LRRK2: variants seen among roughly 807,000 people sequenced by gnomAD.
LRRK2 encodes the protein leucine rich repeat kinase 2, also known as leucine-rich repeat serine/threonine-protein kinase 2.
A neutral mutation model predicts 302.6 loss-of-function variants in LRRK2; 203 were observed. That is an observed-to-expected ratio of 0.67 (90% confidence interval 0.60 to 0.75). The LOEUF (loss-of-function observed/expected upper bound fraction) is 0.75, where lower values mean the gene tolerates loss of function less well. LRRK2 is among the 30% of genes least tolerant of loss of function. The pLI, the probability that LRRK2 is intolerant of heterozygous loss-of-function variation, is 0.00. For synonymous variants in LRRK2, 1,066 were observed against 1,031.9 expected, an observed-to-expected ratio of 1.03 and a Z score of -0.63; for missense variants, 2,830 against 2,951.0, an observed-to-expected ratio of 0.96 and a Z score of 0.95.
At chr12:40,235,518 T>G in intron 3 of LRRK2, 108 bp from the exon 4 acceptor site, 1 of 733,966 alleles carries the variant, frequency 1.4e-6, no homozygotes, top group Non-Finnish European at 2.4e-6. Context: ...CTACAGGGAA[T>G]TAAATACAAT....
intron 18 of LRRK2, among the ~76,000 whole-genome samples, chr12:40,282,492 A>G (rs886105842): frequency 1.3e-5 from 2 of 152,146 alleles, no homozygotes; most frequent in Non-Finnish European, 2.9e-5. Flanking sequence ...GAAAGTTTGA[A>G]GCCAATTCTT....
In LRRK2 at chr12:40,284,010, A is replaced by C. The variant is rs1172871166; in HGVS notation, c.2377A>C (p.Arg793=). 6.2e-7 allele frequency: 1 copy of C among 1,613,850 alleles called. No individual in the cohort carries two copies. Among genetic ancestry groups the C allele is most frequent in the African/African-American group, 1.3e-5 (1 of 74,910 alleles). ...CCAGATCATCAGCTTGCTCTTAAGGAGGCTGGCCCTGGATGTGGCCAACAA... is the reference window on the plus strand; with the variant it reads ...CCAGATCATCAGCTTGCTCTTAAGGCGGCTGGCCCTGGATGTGGCCAACAA... ...DSQIISLLLR[R]LALDVANNSI... is the part of the protein sequence containing the mutation. The change falls in exon 19 of 51, where the codon AGG becomes CGG. Residue 793 remains arginine (R), a synonymous_variant. Transcript: ENST00000298910.
At chr12:40,351,817 C>A in intron 44 of LRRK2, 84 bp downstream of exon 44, 1 of 1,294,686 alleles carries the variant, frequency 7.7e-7, no homozygotes, top group South Asian at 1.3e-5. Flanking sequence ...TAAATAAGAG[C>A]CAATGTAGGA....
chr12:40,284,213 T>C (rs1943823301), intron 19 of LRRK2, 80 bp downstream of exon 19: 1 of 1,326,756 alleles, frequency 7.5e-7, no homozygotes, highest in Admixed American at 2.1e-5. Context: ...TAGTGGTTAT[T>C]CATGCCAGTT....
In LRRK2 at chr12:40,320,046, G is replaced by C; in HGVS notation, c.4886G>C (p.Arg1629Thr). The change falls in exon 34 of 51, where the codon AGA becomes ACA. Residue 1629 changes from arginine (R) to threonine (T), a missense_variant. By Grantham distance (71) the Arg-to-Thr change is moderately conservative (BLOSUM62 -1). Around this residue, in one of 3 missense-constraint regions of LRRK2, gnomAD observed 2,121 missense variants for 2,148.0 expected, o/e 0.99. Coordinates refer to ENST00000298910, the MANE Select transcript of LRRK2 (RefSeq NM_198578.4). ...CACCCTAAGGGCATTATTTCGCGTA[G>C]AGATGTGGAAAAATTTCTTTCAAAA... ...PKHPKGIISR[R>T]DVEKFLSKKR... The C allele has an allele frequency of 1.9e-6, 3 of 1,611,894 alleles. No individual in the cohort carries two copies. Among genetic ancestry groups the C allele is most frequent in the Non-Finnish European group, 2.5e-6 (3 of 1,178,688 alleles).
intron 14 of LRRK2, among the ~76,000 whole-genome samples, chr12:40,267,038 A>G (rs761559232): frequency 1.1e-4 from 16 of 152,092 alleles, no homozygotes; most frequent in South Asian, 4.1e-4. Flanking sequence ...ATGTTAAATG[A>G]CAAGTTACTG....
intron 13 of LRRK2, among the ~76,000 whole-genome samples, chr12:40,263,369 C>T (rs1192145939): frequency 1.3e-5 from 2 of 148,300 alleles, no homozygotes; most frequent in African/African-American, 5.0e-5. Context: ...ACGATTATTC[C>T]AGCTACTCTT....
intron 20 of LRRK2, among the ~76,000 whole-genome samples, chr12:40,289,320 G>A (rs1228929659): frequency 2.6e-5 from 4 of 151,598 alleles, no homozygotes; most frequent in Non-Finnish European, 4.4e-5. Context: ...CTTAATAGCA[G>A]TTCTTGAAAT....
Position 40,310,507 on chromosome 12 carries a change from G to C in LRRK2, c.4394G>C (p.Cys1465Ser). The change falls in exon 31 of 51, where the codon TGC becomes TCC. Residue 1465 changes from cysteine (C) to serine (S), a missense_variant. Transcript: ENST00000298910. Reference protein sequence around the residue: ...DVSDEKQRKACMSKITKELLN... With the variant: ...DVSDEKQRKASMSKITKELLN... ...TCTGATGAGAAGCAACGCAAAGCCT[G>C]CATGAGTAAAATCACCAAGGAACTC... is the stretch of plus-strand genomic sequence containing the variant. 1 of 1,612,868 alleles carries C rather than the reference G, an allele frequency of 6.2e-7. No individual in the cohort carries two copies. Among genetic ancestry groups the C allele is most frequent in the East Asian group, 2.2e-5 (1 of 44,864 alleles).
chr12:40,235,795 T>TTG, intron 4 of LRRK2, 81 bp downstream of exon 4: 1 of 452,120 alleles, frequency 2.2e-6, no homozygotes, highest in East Asian at 3.5e-5. Context: ...GTGTGTGTGT[T>TTG]TTTTTTTTTT....
At chr12:40,290,702 A>G (rs1229286786) in intron 20 of LRRK2, among the ~76,000 whole-genome samples, 1 of 152,066 alleles carries the variant, frequency 6.6e-6, no homozygotes, top group Non-Finnish European at 1.5e-5. Flanking sequence ...CAATTATTTA[A>G]TTATCCTGTT....
intron 48 of LRRK2, among the ~76,000 whole-genome samples, chr12:40,364,565 A>G (rs574183368): frequency 6.6e-6 from 1 of 151,590 alleles, no homozygotes; most frequent in South Asian, 2.1e-4. Flanking sequence ...TTACTGAATT[A>G]GATAGCTTTG....
intron 14 of LRRK2, among the ~76,000 whole-genome samples, chr12:40,265,905 G>A (rs1036698570): frequency 2.0e-5 from 3 of 152,128 alleles, no homozygotes; most frequent in Non-Finnish European, 2.9e-5. Flanking sequence ...ATGGGGAAAC[G>A]ATTCCCTATT....
chr12:40,241,054 G>C (rs17490692), intron 6 of LRRK2, among the ~76,000 whole-genome samples: 19 of 152,204 alleles, frequency 1.2e-4, no homozygotes, highest in African/African-American at 3.4e-4. Flanking sequence ...CCCAGGCAGT[G>C]GGCATGGTTA....
chr12:40,316,129 G>A (rs1451364616), intron 33 of LRRK2: 1 of 157,764 alleles, frequency 6.3e-6, no homozygotes, highest in Non-Finnish European at 1.4e-5. Flanking sequence ...ATTTGTTGAT[G>A]AGTAAAATTT....
intron 8 of LRRK2, 57 bp from the exon 9 acceptor site, chr12:40,251,175 A>G: frequency 8.3e-7 from 1 of 1,202,786 alleles, no homozygotes; most frequent in Non-Finnish European, 1.2e-6. Context: ...GAGTTGGTCA[A>G]ACTGTTAAGT....
At chr12:40,271,860 C>T (rs1167191527) in intron 14 of LRRK2, among the ~76,000 whole-genome samples, 2 of 152,090 alleles carry the variant, frequency 1.3e-5, no homozygotes, top group African/African-American at 4.8e-5. Flanking sequence ...TGCTGCAAGT[C>T]ATTAGTCATC....
chr12:40,266,944 A>C (rs1206670370), intron 14 of LRRK2, among the ~76,000 whole-genome samples: 1 of 139,510 alleles, frequency 7.2e-6, no homozygotes, highest in African/African-American at 2.7e-5. Flanking sequence ...CAATGAGAAC[A>C]CATGGACACA....
intron 3 of LRRK2, 193 bp downstream of exon 3, chr12:40,232,576 A>G: frequency 1.8e-6 from 1 of 551,146 alleles, no homozygotes; most frequent in Non-Finnish European, 3.2e-6. Flanking sequence ...TTAGAAAGCA[A>G]ACATTTAAGG....
Sources: gnomAD v4.1 joint callset for allele counts (sites outside exome capture counted in the v4.1 genomes callset) on GRCh38, gnomAD v4.1.1 for gene constraint, gnomAD v4.1.1 regional missense constraint, MANE v1.5 for transcripts, NCBI Gene and HGNC (gene_info 2026-07-23, HGNC 2026-07-21) for gene names.